HTR1F: variants seen among roughly 807,000 people sequenced by gnomAD.
The protein encoded by HTR1F is 5-hydroxytryptamine (serotonin) receptor 1F, G protein-coupled.
Under a neutral mutation model 24.0 loss-of-function variants are expected in HTR1F, and 17 were observed. The observed-to-expected ratio is 0.71, with a 90% CI of 0.48 to 1.06. The LOEUF (loss-of-function observed/expected upper bound fraction) is 1.06. HTR1F is among the 50% of genes least tolerant of loss of function. The probability of loss-of-function intolerance (pLI) is 0.00; values close to 1 mark genes in which losing one functional copy is unlikely to be tolerated. For missense variants in HTR1F, 391 were observed against 427.8 expected, an observed-to-expected ratio of 0.91 and a Z score of 0.76; for synonymous variants, 186 against 156.8, an observed-to-expected ratio of 1.19 and a Z score of -1.39.
At chr3:87,931,016 A>C (rs1704250993) in intron 2 of HTR1F, among the ~76,000 whole-genome samples, 1 of 135,562 alleles carries the variant, frequency 7.4e-6, no homozygotes, top group Non-Finnish European at 1.6e-5. Context: ...ATACTGTGCC[A>C]TAGTCTTTCC....
At chr3:87,967,077 A>G (rs1705180562) in intron 2 of HTR1F, among the ~76,000 whole-genome samples, 1 of 152,214 alleles carries the variant, frequency 6.6e-6, no homozygotes, top group Admixed American at 6.5e-5. Context: ...CTATCCTAAT[A>G]GTAAAGAAAT....
intron 2 of HTR1F, among the ~76,000 whole-genome samples, chr3:87,832,765 T>C (rs1317274585): frequency 6.6e-6 from 1 of 152,240 alleles, no homozygotes; most frequent in Admixed American, 6.5e-5. Context: ...TTCTTTCACA[T>C]TTCACATTAT....
At chr3:87,957,572 C>G (rs1462038911) in intron 2 of HTR1F, among the ~76,000 whole-genome samples, 1 of 151,202 alleles carries the variant, frequency 6.6e-6, no homozygotes, top group Non-Finnish European at 1.5e-5. Flanking sequence ...ACCAAAGAAA[C>G]CATATGGAAT....
intron 2 of HTR1F, among the ~76,000 whole-genome samples, chr3:87,973,265 G>A (rs1705324916): frequency 6.6e-6 from 1 of 152,078 alleles, no homozygotes; most frequent in South Asian, 2.1e-4. Context: ...CCAGGATTGT[G>A]GTATGTAAAG....
intron 2 of HTR1F, among the ~76,000 whole-genome samples, chr3:87,968,204 T>A (rs1339742294): frequency 8.5e-5 from 13 of 152,098 alleles, no homozygotes; most frequent in Non-Finnish European, 1.8e-4. Flanking sequence ...TTAGGGCATC[T>A]AGCAGAAGAA....
chr3:87,962,899 A>G (rs1705091290), intron 2 of HTR1F, among the ~76,000 whole-genome samples: 1 of 152,066 alleles, frequency 6.6e-6, no homozygotes, highest in Non-Finnish European at 1.5e-5. Flanking sequence ...CTTTGGTTGT[A>G]GTTTAATCTA....
intron 1 of HTR1F, among the ~76,000 whole-genome samples, chr3:87,802,235 C>CCCTT (rs1207971627): frequency 6.5e-4 from 27 of 41,740 alleles, no homozygotes; most frequent in African/African-American, 4.3e-3. Flanking sequence ...CTCCCTCCCT[C>CCCTT]CCTTCCTTCC....
intron 2 of HTR1F, among the ~76,000 whole-genome samples, chr3:87,901,688 T>A (rs141926160): frequency 1.3e-5 from 2 of 152,046 alleles, no homozygotes; most frequent in African/African-American, 4.8e-5. Context: ...ATATTAACAA[T>A]TTACATATAC....
At chr3:87,851,845 A>G (rs531809624) in intron 2 of HTR1F, among the ~76,000 whole-genome samples, 2 of 151,668 alleles carry the variant, frequency 1.3e-5, no homozygotes, top group Admixed American at 6.6e-5. Flanking sequence ...TACATTTCTT[A>G]TATATGATGT....
intron 2 of HTR1F, among the ~76,000 whole-genome samples, chr3:87,973,843 C>T (rs887497684): frequency 2.0e-5 from 3 of 152,184 alleles, no homozygotes; most frequent in African/African-American, 4.8e-5. Context: ...ACCGACGGCA[C>T]GCTTAAATTA....
intron 2 of HTR1F, among the ~76,000 whole-genome samples, chr3:87,843,187 A>G (rs1559602017): frequency 1.3e-5 from 2 of 151,984 alleles, no homozygotes; most frequent in Non-Finnish European, 2.9e-5. Context: ...TATTAATAAA[A>G]GCAAAATGAA....
chr3:87,933,093 A>C (rs1339089915), intron 2 of HTR1F, among the ~76,000 whole-genome samples: 2 of 151,308 alleles, frequency 1.3e-5, no homozygotes, highest in Non-Finnish European at 3.0e-5. Flanking sequence ...ACAGAACCAA[A>C]GACAAAAACC....
At position 87,849,439 on chromosome 3, in the gene HTR1F, C is replaced by A. The variant is rs543424103; in HGVS notation, c.-43+27315C>A. On this transcript the variant is annotated intron_variant, in intron 2 of 2. Transcript: ENST00000319595. ...GCTGAAACTGGATCCCTTTCTTACA[C>A]CTTCTACAAAAATTAATTCAAGATG... Among the ~76,000 whole-genome samples, 3 of 151,940 alleles carry A rather than the reference C, an allele frequency of 2.0e-5. No homozygotes were observed. The South Asian group carries it at 6.2e-4, about 31-fold the overall frequency.
At chr3:87,801,577 C>T (rs1473899632) in intron 1 of HTR1F, among the ~76,000 whole-genome samples, 5 of 152,228 alleles carry the variant, frequency 3.3e-5, no homozygotes, top group Middle Eastern at 6.8e-3. Flanking sequence ...CATCTTGAAG[C>T]AAGGGCAGGA....
At chr3:87,803,646 G>A (rs1056515180) in intron 1 of HTR1F, among the ~76,000 whole-genome samples, 1 of 151,628 alleles carries the variant, frequency 6.6e-6, no homozygotes, top group Non-Finnish European at 1.5e-5. Context: ...GTTACAGTAG[G>A]GAAGTGCTTT....
chr3:87,914,541 A>G (rs992896793), intron 2 of HTR1F, among the ~76,000 whole-genome samples: 4 of 152,004 alleles, frequency 2.6e-5, no homozygotes, highest in African/African-American at 9.7e-5. Flanking sequence ...CTGATTGTTT[A>G]GGAGACAGGT....
chr3:87,853,880 C>A (rs79125694), intron 2 of HTR1F, among the ~76,000 whole-genome samples: 1 of 151,984 alleles, frequency 6.6e-6, no homozygotes, highest in Admixed American at 6.6e-5. Context: ...AGTGTCTGTT[C>A]ATGTTCTTTG....
At chr3:87,834,735 T>G (rs1704649436) in intron 2 of HTR1F, among the ~76,000 whole-genome samples, 1 of 152,198 alleles carries the variant, frequency 6.6e-6, no homozygotes, top group African/African-American at 2.4e-5. Context: ...TTTTTACATT[T>G]CAAAATTGTT....
chr3:87,930,021 T>C (rs1704223445), intron 2 of HTR1F, among the ~76,000 whole-genome samples: 1 of 152,176 alleles, frequency 6.6e-6, no homozygotes, highest in Non-Finnish European at 1.5e-5. Context: ...TTCACCTCCC[T>C]GGTTAGCTGT....
Sources: gnomAD v4.1 joint callset for allele counts (sites outside exome capture counted in the v4.1 genomes callset) on GRCh38, gnomAD v4.1.1 for gene constraint, MANE v1.5 for transcripts, NCBI Gene and HGNC (gene_info 2026-07-23, HGNC 2026-07-21) for gene names.